Variants in ASTE1 observed in about 807,000 individuals in gnomAD.
ASTE1 encodes the protein asteroid structure-specific endonuclease 1.
Under a neutral mutation model 45.8 loss-of-function variants are expected in ASTE1, and 49 were observed. The ratio of observed to expected loss-of-function variants is 1.07; its 90% CI spans 0.85 to 1.36. The LOEUF (loss-of-function observed/expected upper bound fraction) is 1.36. Ranked by LOEUF, ASTE1 falls within the 40% of genes most tolerant of loss-of-function variation. ASTE1 has a pLI of 0.00. For missense variants in ASTE1, 709 were observed against 804.0 expected (o/e 0.88, Z 1.43); for synonymous variants, 296 against 303.9 (o/e 0.97, Z 0.27).
intron 3 of ASTE1, among the ~76,000 whole-genome samples, chr3:131,020,751 T>G (rs2063731939): frequency 6.6e-6 from 1 of 152,258 alleles, no homozygotes; most frequent in Non-Finnish European, 1.5e-5. Flanking sequence ...CCATTAGCAC[T>G]GAGCTAAATT....
At chr3:131,014,478 A>C (rs2063494166) in intron 5 of ASTE1, 91 bp from the exon 6 acceptor site, 4 of 1,218,798 alleles carry the variant, frequency 3.3e-6, no homozygotes, top group South Asian at 1.6e-5. Flanking sequence ...AAATGCATCT[A>C]AACAATGAGA....
chr3:131,018,972 C>T (rs1010524482), intron 3 of ASTE1, among the ~76,000 whole-genome samples: 8 of 152,120 alleles, frequency 5.3e-5, no homozygotes, highest in Non-Finnish European at 1.0e-4. Context: ...TCTTTGTATA[C>T]GCTGGTGAGC....
chr3:131,016,777 C>A, intron 4 of ASTE1: 1 of 345,772 alleles, frequency 2.9e-6, no homozygotes, highest in Non-Finnish European at 5.5e-6. Flanking sequence ...ATTTTGACCT[C>A]TGTGTTTTAT....
Position 131,014,044 on chromosome 3 carries a change from T to A in ASTE1, c.*13A>T. On this transcript the variant is annotated 3_prime_UTR_variant, in exon 6 of 6. Transcript: ENST00000264992. Reference sequence around the variant, plus strand: ...ATTATATTAAATACATCTAGTTTGATGCAAACTGAGTTTTATTCAATGTTG... The same window carrying A: ...ATTATATTAAATACATCTAGTTTGAAGCAAACTGAGTTTTATTCAATGTTG... 3 of 1,519,584 alleles carry A rather than the reference T, an allele frequency of 2.0e-6. No individual in the cohort carries two copies. Among genetic ancestry groups the A allele is most frequent in the South Asian group, 1.2e-5 (1 of 81,000 alleles). 94.1% of individuals were successfully genotyped at this position (1,519,584 alleles called of 1,614,324 possible).
At chr3:131,025,377 G>A in intron 2 of ASTE1, 46 bp from the exon 3 acceptor site, 1 of 1,537,088 alleles carries the variant, frequency 6.5e-7, no homozygotes, top group Non-Finnish European at 8.7e-7. Flanking sequence ...CTAGTTATGG[G>A]GCACCAAGTC....
At chr3:131,018,111 A>C (rs538851789) in intron 4 of ASTE1, among the ~76,000 whole-genome samples, 1 of 152,284 alleles carries the variant, frequency 6.6e-6, no homozygotes, top group Admixed American at 6.5e-5. Flanking sequence ...TATTTAGATA[A>C]GTTTCACTTC....
At chr3:131,019,032 G>C (rs574025070) in intron 3 of ASTE1, among the ~76,000 whole-genome samples, 13 of 152,188 alleles carry the variant, frequency 8.5e-5, no homozygotes, top group African/African-American at 2.4e-4. Context: ...CAATCCTTAG[G>C]CCCTACTCCA....
At chr3:131,017,229 G>T (rs1325335854) in intron 4 of ASTE1, among the ~76,000 whole-genome samples, 1 of 152,178 alleles carries the variant, frequency 6.6e-6, no homozygotes, top group Non-Finnish European at 1.5e-5. Context: ...GTGTTAAGTT[G>T]GCTGTCATAT....
Position 131,016,505 on chromosome 3 carries a change from T to C in ASTE1, c.1514-166A>G, listed in dbSNP as rs540602773. On this transcript the variant is annotated intron_variant, in intron 4 of 5. Transcript: ENST00000264992. ...ATGCCTTGCTGTATAAATTGAAATA[T>C]TGATACTGAACTGTCTTTTTAATGA... 42 of 754,612 alleles carry C rather than the reference T, an allele frequency of 5.6e-5. No homozygotes were observed. In the African/African-American group the frequency reaches 6.0e-4, roughly 11 times the overall value. The allele number at this position is 754,612 out of a possible 1,614,324, so 46.7% of individuals were successfully genotyped here.
At chr3:131,015,068 C>T (rs976508660) in intron 5 of ASTE1, 6 of 499,976 alleles carry the variant, frequency 1.2e-5, no homozygotes, top group South Asian at 3.5e-5. Context: ...AATTATTAAA[C>T]GAAAGAAATA....
chr3:131,023,883 A>C, intron 3 of ASTE1, 122 bp downstream of exon 3: 2 of 1,020,062 alleles, frequency 2.0e-6, no homozygotes, highest in Non-Finnish European at 2.7e-6. Context: ...TAGCTACGAC[A>C]TGAGGGCAAG....
intron 4 of ASTE1, chr3:131,017,199 G>T: frequency 2.3e-6 from 1 of 432,986 alleles, no homozygotes; most frequent in Non-Finnish European, 3.8e-6. Flanking sequence ...AGCAGCAGTG[G>T]GACTTAACTG....
In ASTE1 at chr3:131,025,268, A is replaced by G. The variant is rs533341569; in HGVS notation, c.39T>C (p.His13=). 1.5e-5 allele frequency: 24 copies of G among 1,614,088 alleles called. No individual in the cohort carries two copies. The South Asian group carries it at 1.6e-4, about 11-fold the overall frequency. The part of the protein sequence containing the change: ...IRGLMSFVED[H]SNEFFTDLKL... ...TCAAATCAGTGAAGAACTCATTACTATGATCTTCCACAAAACTCATTAGTC... is the reference window on the plus strand; with the variant it reads ...TCAAATCAGTGAAGAACTCATTACTGTGATCTTCCACAAAACTCATTAGTC... Residue 13 remains histidine (H), a synonymous_variant, in exon 3 of 6, where the codon CAT becomes CAC. Transcript: ENST00000264992.
intron 4 of ASTE1, 23 bp downstream of exon 4, chr3:131,018,483 T>C: frequency 6.2e-7 from 1 of 1,603,002 alleles, no homozygotes; most frequent in Non-Finnish European, 8.5e-7. Context: ...CACAATATAC[T>C]CCTGTAATTT....
In ASTE1 at chr3:131,024,171, A is replaced by C; in HGVS notation, c.1136T>G (p.Leu379Arg). 1 of 1,614,186 alleles carries C rather than the reference A, an allele frequency of 6.2e-7. No homozygotes were observed. The highest frequency in any genetic ancestry group is 8.5e-7 in the Non-Finnish European group (1 of 1,180,002). ...CAGATGTGGTGAGGCATTTAAAAGAAGCCCATAGATGATTTGCCTGATGGG... is the reference window on the plus strand; with the variant it reads ...CAGATGTGGTGAGGCATTTAAAAGACGCCCATAGATGATTTGCCTGATGGG... ...SQPIRQIIYG[L>R]LLNASPHLDK... is the part of the protein sequence containing the mutation. The change falls in exon 3 of 6, where the codon CTT becomes CGT. Residue 379 changes from leucine to arginine, a missense_variant. Transcript: ENST00000264992.
At chr3:131,021,997 T>C (rs2063748414) in intron 3 of ASTE1, among the ~76,000 whole-genome samples, 1 of 152,206 alleles carries the variant, frequency 6.6e-6, no homozygotes, top group East Asian at 1.9e-4. Flanking sequence ...TACGCTCCAC[T>C]TTCTAGTTTT....
At chr3:131,023,827 C>T (rs974111553) in intron 3 of ASTE1, among the ~76,000 whole-genome samples, 178 bp downstream of exon 3, 1 of 152,190 alleles carries the variant, frequency 6.6e-6, no homozygotes, top group African/African-American at 2.4e-5. Context: ...AGCACTGACA[C>T]TTTCTGGCTA....
chr3:131,020,798 G>C (rs780862641), intron 3 of ASTE1, among the ~76,000 whole-genome samples: 2 of 152,216 alleles, frequency 1.3e-5, no homozygotes, highest in Non-Finnish European at 2.9e-5. Flanking sequence ...AAAGCTGGGT[G>C]ATAGCAGAGC....
chr3:131,019,788 C>A (rs576575038), intron 3 of ASTE1, among the ~76,000 whole-genome samples: 1 of 152,244 alleles, frequency 6.6e-6, no homozygotes, highest in South Asian at 2.1e-4. Context: ...AAACAAAACA[C>A]ATCATAAATG....
Sources: allele counts gnomAD v4.1 joint callset (sites outside exome capture counted in the v4.1 genomes callset), GRCh38; gene constraint gnomAD v4.1.1; transcripts MANE v1.5; gene names NCBI Gene and HGNC (gene_info 2026-07-23, HGNC 2026-07-21).